The following EPHA6 variants were observed in gnomAD, a reference collection of about 807,000 sequenced individuals.
EPHA6 encodes the protein EPH receptor A6, also known as ephrin type-A receptor 6.
In EPHA6, 50 loss-of-function variants were observed where a neutral mutation model predicts 112.0. That is an observed-to-expected ratio of 0.45 (90% CI 0.36 to 0.56). EPHA6 has a LOEUF of 0.56. Ranked by LOEUF, EPHA6 falls within the 20% of genes least tolerant of loss-of-function variation. The pLI, the probability that EPHA6 is intolerant of heterozygous loss-of-function variation, is 0.00. For synonymous variants in EPHA6, 529 were observed against 490.7 expected (o/e 1.08, Z -1.03); for missense variants, 1,280 against 1,417.4 (o/e 0.90, Z 1.56).
intron 5 of EPHA6, among the ~76,000 whole-genome samples, chr3:97,330,762 T>C (rs1576994827): frequency 6.6e-6 from 1 of 152,108 alleles, no homozygotes; most frequent in Non-Finnish European, 1.5e-5. Flanking sequence ...CTTAGAGACC[T>C]ACAAAGTGAC....
At chr3:97,439,297 T>A (rs2090014641) in intron 6 of EPHA6, among the ~76,000 whole-genome samples, 1 of 152,134 alleles carries the variant, frequency 6.6e-6, no homozygotes. Context: ...TAATGATACG[T>A]CCCCAGAAAT....
chr3:97,230,634 T>C (rs1355000743), intron 4 of EPHA6, among the ~76,000 whole-genome samples: 3 of 152,108 alleles, frequency 2.0e-5, no homozygotes, highest in Non-Finnish European at 4.4e-5. Flanking sequence ...CAGACTCCAG[T>C]AACAAAAGAG....
At chr3:97,384,567 T>G (rs1447012590) in intron 5 of EPHA6, among the ~76,000 whole-genome samples, 1 of 152,196 alleles carries the variant, frequency 6.6e-6, no homozygotes, top group Admixed American at 6.6e-5. Context: ...TTTACTGTCC[T>G]CCTGACATGT....
chr3:97,742,289 C>T (rs951901437), intron 16 of EPHA6, among the ~76,000 whole-genome samples: 1 of 152,148 alleles, frequency 6.6e-6, no homozygotes, highest in Non-Finnish European at 1.5e-5. Flanking sequence ...GACCTATTTT[C>T]TGATCCTGGA....
intron 14 of EPHA6, among the ~76,000 whole-genome samples, chr3:97,681,613 A>G (rs2031867924): frequency 6.6e-6 from 1 of 152,138 alleles, no homozygotes; most frequent in Non-Finnish European, 1.5e-5. Flanking sequence ...ATTGGAAATT[A>G]AAAATTTGAG....
intron 6 of EPHA6, among the ~76,000 whole-genome samples, chr3:97,433,574 G>T (rs1223804545): frequency 1.3e-5 from 2 of 152,110 alleles, no homozygotes; most frequent in Non-Finnish European, 2.9e-5. Context: ...CATTTTAAAA[G>T]GTGACTAGGC....
At chr3:97,398,604 G>A (rs887536450) in intron 5 of EPHA6, among the ~76,000 whole-genome samples, 1 of 150,934 alleles carries the variant, frequency 6.6e-6, no homozygotes, top group African/African-American at 2.4e-5. Context: ...CATTTGTTAT[G>A]CCAAAAATAG....
chr3:97,568,664 A>G (rs143006006), intron 11 of EPHA6, among the ~76,000 whole-genome samples: 2,201 of 152,294 alleles, frequency 0.014, 67 homozygotes, highest in African/African-American at 0.049. Flanking sequence ...ATGTAGAATC[A>G]TGAGCTCCCT....
intron 3 of EPHA6, among the ~76,000 whole-genome samples, chr3:97,119,410 G>A (rs192865069): frequency 3.9e-5 from 6 of 152,054 alleles, no homozygotes; most frequent in South Asian, 2.1e-4. Flanking sequence ...GCCTCTGGGC[G>A]CAGGTTGGTC....
chr3:96,970,582 A>C (rs574880494), intron 2 of EPHA6, among the ~76,000 whole-genome samples: 1 of 152,160 alleles, frequency 6.6e-6, no homozygotes, highest in East Asian at 1.9e-4. Flanking sequence ...TTTAGTTATA[A>C]TTTAAGCTTT....
chr3:97,465,551 G>A (rs2091023750), intron 7 of EPHA6, among the ~76,000 whole-genome samples: 1 of 152,016 alleles, frequency 6.6e-6, no homozygotes, highest in African/African-American at 2.4e-5. Flanking sequence ...TTGATTAGAG[G>A]TAGTTTGAGG....
intron 5 of EPHA6, among the ~76,000 whole-genome samples, chr3:97,352,919 T>C (rs561479970): frequency 5.9e-5 from 9 of 152,186 alleles, no homozygotes; most frequent in Admixed American, 5.2e-4. Context: ...AAAGAGGATA[T>C]CCAAGTTGTC....
chr3:96,868,398 G>A (rs952752973), intron 2 of EPHA6, among the ~76,000 whole-genome samples: 3 of 151,748 alleles, frequency 2.0e-5, no homozygotes, highest in African/African-American at 7.3e-5. Context: ...TGGGAAAGAG[G>A]CTACTGAAAA....
intron 11 of EPHA6, among the ~76,000 whole-genome samples, chr3:97,570,870 G>A (rs1038722885): frequency 1.3e-5 from 2 of 152,180 alleles, no homozygotes; most frequent in South Asian, 2.1e-4. Flanking sequence ...GCTTGGATAA[G>A]CTAGAGGTTA....
intron 7 of EPHA6, chr3:97,466,241 T>C: frequency 1.0e-6 from 1 of 974,530 alleles, no homozygotes; most frequent in South Asian, 1.3e-5. Flanking sequence ...GCTGTGTTTA[T>C]CATCAAAATC....
chr3:97,601,268 A>T (rs1255570739), intron 12 of EPHA6, among the ~76,000 whole-genome samples: 1 of 152,138 alleles, frequency 6.6e-6, no homozygotes, highest in Non-Finnish European at 1.5e-5. Flanking sequence ...TGGCTTGCTA[A>T]GTTAGCTGAG....
chr3:97,663,068 C>A (rs2094180408), intron 14 of EPHA6, among the ~76,000 whole-genome samples: 1 of 152,108 alleles, frequency 6.6e-6, no homozygotes, highest in South Asian at 2.1e-4. Context: ...TGCCTCTGAA[C>A]AACTCTGAGG....
At chr3:96,947,392 T>G (rs1576135427) in intron 2 of EPHA6, among the ~76,000 whole-genome samples, 2 of 152,298 alleles carry the variant, frequency 1.3e-5, no homozygotes, top group East Asian at 3.9e-4. Flanking sequence ...TTCAGCTTTC[T>G]ACATATGGCT....
intron 12 of EPHA6, among the ~76,000 whole-genome samples, chr3:97,597,546 A>T (rs978616898): frequency 6.6e-6 from 1 of 152,250 alleles, no homozygotes; most frequent in South Asian, 2.1e-4. Context: ...TTCTCTGAGT[A>T]GCCATGTTAG....
Sources: allele counts gnomAD v4.1 joint callset (sites outside exome capture counted in the v4.1 genomes callset), GRCh38; gene constraint gnomAD v4.1.1; transcripts MANE v1.5; gene names NCBI Gene and HGNC (gene_info 2026-07-23, HGNC 2026-07-21).